Variants in MSH6 observed in about 807,000 individuals in gnomAD.
MSH6 encodes the protein DNA mismatch repair protein Msh6.
MSH6 carries 85 observed loss-of-function variants against 119.1 expected under a neutral mutation model. That is an observed-to-expected ratio of 0.71 (90% CI 0.60 to 0.85). The LOEUF (loss-of-function observed/expected upper bound fraction) is 0.85, where lower values mean the gene tolerates loss of function less well. MSH6 is among the 40% of genes least tolerant of loss of function. The pLI, the probability that MSH6 is intolerant of heterozygous loss-of-function variation, is 0.00. For synonymous variants in MSH6, 830 were observed against 586.9 expected, an observed-to-expected ratio of 1.41 and a Z score of -5.99; for missense variants, 2,163 against 1,655.3, an observed-to-expected ratio of 1.31 and a Z score of -5.32.
Position 47,789,757 on chromosome 2 carries a change from G to T in MSH6, c.261-1170G>T, listed in dbSNP as rs3136272. ...CCCCTGTACTTTATCTCTAGATTACGTACAATACCTAATAGAATGTAAATG... is the reference window on the plus strand; with the variant it reads ...CCCCTGTACTTTATCTCTAGATTACTTACAATACCTAATAGAATGTAAATG... On this transcript the variant is annotated intron_variant, in intron 1 of 9. Transcript: ENST00000234420. Among the ~76,000 whole-genome samples the T allele has an allele frequency of 0.29, 44,007 of 151,938 alleles. 6,954 individuals carry two copies. Among genetic ancestry groups the T allele is most frequent in the Non-Finnish European group, 0.36 (24,640 of 67,970 alleles).
chr2:47,787,823 T>A (rs969941264), intron 1 of MSH6, among the ~76,000 whole-genome samples: 1 of 152,198 alleles, frequency 6.6e-6, no homozygotes, highest in Non-Finnish European at 1.5e-5. Context: ...TCTCACTGTG[T>A]AGCCCAGATG....
chr2:47,807,821 T>G (rs1670329041), downstream of MSH6: 2 of 296,978 alleles, frequency 6.7e-6, no homozygotes, highest in South Asian at 1.6e-4. Context: ...ATGCTAGTTG[T>G]AAAAACACCA....
downstream of MSH6, chr2:47,808,017 GTCTCT>G (rs1301736629): frequency 2.4e-5 from 26 of 1,077,120 alleles, no homozygotes; most frequent in Middle Eastern, 2.9e-4. Context: ...TTTTAATACA[GTCTCT>G]TCCTGTAGCA....
At position 47,788,936 on chromosome 2, in the gene MSH6, T is replaced by G. The variant is rs867426224; in HGVS notation, c.261-1991T>G. ...TTTTTTTTTTTGTTTTTTTTTTTTTTTTTTTTTTTTTGTGAGACGGAGTCT... is the reference window on the plus strand; with the variant it reads ...TTTTTTTTTTTGTTTTTTTTTTTTTGTTTTTTTTTTTGTGAGACGGAGTCT... On this transcript the variant is annotated intron_variant, in intron 1 of 9. Coordinates refer to ENST00000234420, the MANE Select transcript of MSH6 (RefSeq NM_000179.3). Among the ~76,000 whole-genome samples, 10 of 103,862 alleles carry G rather than the reference T, an allele frequency of 9.6e-5. 1 individual carries two copies. The highest frequency in any genetic ancestry group is 2.8e-4 in the African/African-American group (7 of 24,658). The allele number at this position is 103,862 out of a possible 152,430, so 68.1% of individuals were successfully genotyped here. A position where few individuals can be genotyped will look rare whatever the true frequency, so the allele number is the denominator to read the frequency against.
chr2:47,807,577 A>AT (rs1553334591), downstream of MSH6: 1 of 216,376 alleles, frequency 4.6e-6, no homozygotes, highest in Non-Finnish European at 9.3e-6. Flanking sequence ...AACAGGGCAC[A>AT]TTCAAGTACA....
In MSH6 at chr2:47,788,246, C is replaced by CTTTTT. The variant is rs560110301; in HGVS notation, c.261-2659_261-2655dup. On this transcript the variant is annotated intron_variant, in intron 1 of 9. Transcript: ENST00000234420. ...ATTTCTTTTCTTTCATTCTTTCTTT[C>CTTTTT]TTTTTTTTTTTTTTTTTTTTTTTTT... Among the ~76,000 whole-genome samples, 217 of 90,070 alleles carry CTTTTT rather than the reference C, an allele frequency of 2.4e-3. 2 individuals carry two copies. Among genetic ancestry groups the CTTTTT allele is most frequent in the African/African-American group, 4.5e-3 (93 of 20,718 alleles). 59.1% of individuals were successfully genotyped at this position (90,070 alleles called of 152,430 possible). A position where few individuals can be genotyped will look rare whatever the true frequency, so the allele number is the denominator to read the frequency against.
rs3136301 is a variant in MSH6 at position 47,794,078 on chromosome 2, C to T, written c.458-1816C>T. ...AGTAAGGCCAGGCAGTGGTGGCTCACGCCTGTAATCCCAGCACTTTGGGAG... is the reference window on the plus strand; with the variant it reads ...AGTAAGGCCAGGCAGTGGTGGCTCATGCCTGTAATCCCAGCACTTTGGGAG... On this transcript the variant is annotated intron_variant, in intron 2 of 9. Coordinates refer to ENST00000234420, the MANE Select transcript of MSH6 (RefSeq NM_000179.3). Among the ~76,000 whole-genome samples the T allele has an allele frequency of 2.3e-3, 343 of 150,900 alleles. 2 individuals carry two copies. The highest frequency in any genetic ancestry group is 7.0e-3 in the African/African-American group (290 of 41,266).
At position 47,800,854 on chromosome 2, in the gene MSH6, A is replaced by G. The variant is rs778079788; in HGVS notation, c.2871A>G (p.Lys957=). ...NEQSLLEYLE[K]QRNRIGCRTI... ...AGAGCCTCCTGGAATACCTAGAGAAACAGCGCAACAGAATTGGCTGTAGGA... is the reference window on the plus strand; with the variant it reads ...AGAGCCTCCTGGAATACCTAGAGAAGCAGCGCAACAGAATTGGCTGTAGGA... Residue 957 remains lysine (K), a synonymous_variant, in exon 4 of 10, where the codon AAA becomes AAG. Coordinates refer to ENST00000234420, the MANE Select transcript of MSH6 (RefSeq NM_000179.3). The G allele has an allele frequency of 1.2e-6, 2 of 1,614,028 alleles. No homozygotes were observed. The highest frequency in any genetic ancestry group is 3.3e-5 in the Admixed American group (2 of 59,978).
chr2:47,790,530 A>T (rs3136278), intron 1 of MSH6, among the ~76,000 whole-genome samples: 1 of 152,144 alleles, frequency 6.6e-6, no homozygotes, highest in Non-Finnish European at 1.5e-5. Flanking sequence ...TATGCTTTAT[A>T]ATAATATTGT....
Position 47,800,675 on chromosome 2 carries a change from C to G in MSH6, c.2692C>G (p.Pro898Ala). The change falls in exon 4 of 10, where the codon CCT (proline) becomes GCT (alanine). Residue 898 changes from proline (P) to alanine (A), a missense_variant. By Grantham distance (27) the Pro-to-Ala change is conservative. Transcript: ENST00000234420. Reference protein sequence around the residue: ...KQVISLQTKNPEGRFPDLTVE... With the variant: ...KQVISLQTKNAEGRFPDLTVE... The stretch of plus-strand genomic sequence containing the variant: ...GGTCATCTCTCTGCAGACAAAAAAT[C>G]CTGAAGGTCGTTTTCCTGATTTGAC... 6.2e-7 allele frequency: 1 copy of G among 1,614,114 alleles called. No homozygotes were observed. The highest frequency in any genetic ancestry group is 8.5e-7 in the Non-Finnish European group (1 of 1,180,016).
intron 4 of MSH6, among the ~76,000 whole-genome samples, chr2:47,803,055 G>T (rs1477682939): frequency 6.6e-6 from 1 of 152,130 alleles, no homozygotes; most frequent in Non-Finnish European, 1.5e-5. Context: ...GGGATTACAG[G>T]CATATGCCAC....
intron 1 of MSH6, chr2:47,784,079 C>G: frequency 9.9e-7 from 1 of 1,008,272 alleles, no homozygotes; most frequent in Non-Finnish European, 1.2e-6. Flanking sequence ...GCCGAGACGC[C>G]TTGGGGACGG....
In MSH6 at chr2:47,800,931, A is replaced by T. The variant is rs2104432484; in HGVS notation, c.2948A>T (p.Glu983Val). The change falls in exon 4 of 10, where the codon GAG (glutamate) becomes GTG (valine). Residue 983 changes from glutamate (E) to valine (V), a missense_variant. Glu to Val is a moderately radical substitution (Grantham distance 121). Transcript: ENST00000234420. Reference protein sequence around the residue: ...GRNRYQLEIPENFTTRNLPEE... With the variant: ...GRNRYQLEIPVNFTTRNLPEE... ...AACCGTTACCAGCTGGAAATTCCTG[A>T]GAATTTCACCACTCGCAATTTGCCA... The T allele has an allele frequency of 6.3e-7, 1 of 1,578,822 alleles. No homozygotes were observed. The highest frequency in any genetic ancestry group is 8.6e-7 in the Non-Finnish European group (1 of 1,163,946).
chr2:47,799,315 CAG>C lies in MSH6; in HGVS notation c.1333_1334del (p.Ser445Ter), dbSNP rs1060502940. On this transcript the variant is annotated frameshift_variant, in exon 4 of 10. Transcript: ENST00000234420. LOFTEE classifies it high-confidence loss of function. ...LYHMDALIGV[S>X]ELGLVFMKGN... ...ACCACATGGATGCTCTTATTGGAGTCAGTGAACTGGGGCTGGTATTCATGAAA... is the reference window on the plus strand; with the variant it reads ...ACCACATGGATGCTCTTATTGGAGTCTGAACTGGGGCTGGTATTCATGAAA... 1 of 1,613,850 alleles carries C rather than the reference CAG, an allele frequency of 6.2e-7. No homozygotes were observed. The highest frequency in any genetic ancestry group is 8.5e-7 in the Non-Finnish European group (1 of 1,180,026).
rs1669257647 is a variant in MSH6 at position 47,798,791 on chromosome 2, A to G, written c.808A>G (p.Lys270Glu). 1 of 1,614,160 alleles carries G rather than the reference A, an allele frequency of 6.2e-7. No homozygotes were observed. Among genetic ancestry groups the G allele is most frequent in the Non-Finnish European group, 8.5e-7 (1 of 1,180,020 alleles). Residue 270 changes from lysine to glutamate, a missense_variant, in exon 4 of 10, where the codon AAG becomes GAG. Coordinates refer to ENST00000234420, the MANE Select transcript of MSH6 (RefSeq NM_000179.3). ...TGATGTGGAATTTAAGCCAGACACT[A>G]AGGAGGAAGGAAGCAGTGATGAAAT... is the stretch of plus-strand genomic sequence containing the variant. ...GSDVEFKPDTKEEGSSDEISS... is the reference protein window; with the variant it reads ...GSDVEFKPDTEEEGSSDEISS...
At chr2:47,789,087 G>C (rs1273546653) in intron 1 of MSH6, among the ~76,000 whole-genome samples, 1 of 150,194 alleles carries the variant, frequency 6.7e-6, no homozygotes, top group Non-Finnish European at 1.5e-5. Context: ...CACTGCACTT[G>C]GCTAATTTTT....
At position 47,799,441 on chromosome 2, in the gene MSH6, T is replaced by C. The variant is rs1374168337; in HGVS notation, c.1458T>C (p.Thr486=). ...KGYKVARVEQ[T]ETPEMMEARC... ...ATAAAGTAGCACGAGTGGAACAGAC[T>C]GAGACTCCAGAAATGATGGAGGCAC... The change falls in exon 4 of 10, where the codon ACT becomes ACC. Residue 486 remains threonine, a synonymous_variant. Coordinates refer to ENST00000234420, the MANE Select transcript of MSH6 (RefSeq NM_000179.3). 6.2e-7 allele frequency: 1 copy of C among 1,614,138 alleles called. No homozygotes were observed. Among genetic ancestry groups the C allele is most frequent in the Admixed American group, 1.7e-5 (1 of 59,992 alleles).
At chr2:47,783,521 C>T (rs1337480556) in intron 1 of MSH6, 28 bp downstream of exon 1, 2 of 1,328,596 alleles carry the variant, frequency 1.5e-6, no homozygotes, top group South Asian at 1.8e-5. Context: ...GGGTCGAAGG[C>T]GGGGGCATAG....
chr2:47,804,645 G>GAA (rs1157953224), intron 5 of MSH6, among the ~76,000 whole-genome samples: 65 of 152,184 alleles, frequency 4.3e-4, no homozygotes, highest in Non-Finnish European at 7.8e-4. Flanking sequence ...ATTCTATTCT[G>GAA]GCCAGCGTTG....
Sources: allele counts gnomAD v4.1 joint callset (sites outside exome capture counted in the v4.1 genomes callset), GRCh38; gene constraint gnomAD v4.1.1; transcripts MANE v1.5; gene names NCBI Gene and HGNC (gene_info 2026-07-23, HGNC 2026-07-21).